AGO3: variants seen among roughly 807,000 people sequenced by gnomAD.
AGO3 encodes argonaute RISC catalytic component 3.
AGO3 carries 16 observed loss-of-function variants against 105.5 expected under a neutral mutation model. That is an observed-to-expected ratio of 0.15 (90% CI 0.10 to 0.23). AGO3 has a LOEUF of 0.23. Among genes scored for constraint, AGO3 ranks in the 10% least tolerant of loss-of-function variants. The pLI, the probability that AGO3 is intolerant of heterozygous loss-of-function variation, is 1.00. For synonymous variants in AGO3, 340 were observed against 367.3 expected (o/e 0.93, Z 0.85); for missense variants, 534 against 1,088.0 (o/e 0.49, Z 7.16).
chr1:35,940,756 T>C (rs1037299884), intron 1 of AGO3, among the ~76,000 whole-genome samples: 1 of 152,198 alleles, frequency 6.6e-6, no homozygotes, highest in Non-Finnish European at 1.5e-5. Flanking sequence ...TAATGACATT[T>C]TCTTCTTGAA....
At chr1:36,037,032 A>G (rs115292918) in intron 14 of AGO3, among the ~76,000 whole-genome samples, 2,304 of 151,590 alleles carry the variant, frequency 0.015, 50 homozygotes, top group African/African-American at 0.053. Context: ...CCTGTTTTTA[A>G]CATCTGCCTG....
intron 1 of AGO3, among the ~76,000 whole-genome samples, chr1:35,941,934 TA>T (rs1438121153): frequency 6.6e-6 from 1 of 152,250 alleles, no homozygotes; most frequent in Non-Finnish European, 1.5e-5. Flanking sequence ...GTGGATTTTC[TA>T]AGTTGATCTT....
At chr1:35,953,501 G>A (rs1284697467) in intron 2 of AGO3, among the ~76,000 whole-genome samples, 1 of 151,652 alleles carries the variant, frequency 6.6e-6, no homozygotes, top group South Asian at 2.1e-4. Context: ...TTTATTTGGA[G>A]AAATGTCTAT....
At chr1:35,952,203 G>A (rs1646487167) in intron 2 of AGO3, among the ~76,000 whole-genome samples, 1 of 143,014 alleles carries the variant, frequency 7.0e-6, no homozygotes, top group African/African-American at 2.7e-5. Context: ...CTAGAGTGCA[G>A]TGGCGCGATC....
chr1:35,948,696 A>G (rs1186341545), intron 2 of AGO3, among the ~76,000 whole-genome samples: 2 of 152,124 alleles, frequency 1.3e-5, no homozygotes, highest in Non-Finnish European at 2.9e-5. Flanking sequence ...TGCTCAATGT[A>G]TTAAGTTTGT....
At chr1:35,996,769 CAAA>C (rs112237843) in intron 5 of AGO3, among the ~76,000 whole-genome samples, 4 of 116,262 alleles carry the variant, frequency 3.4e-5, no homozygotes, top group Admixed American at 1.8e-4. Context: ...AACTCCATCT[CAAA>C]AAAAAAAAAA....
At chr1:35,947,383 C>T (rs566407594) in intron 2 of AGO3, among the ~76,000 whole-genome samples, 5 of 152,200 alleles carry the variant, frequency 3.3e-5, no homozygotes, top group South Asian at 4.1e-4. Flanking sequence ...AAGTGAACAA[C>T]ACAAGTCAAA....
In AGO3 at chr1:36,071,818, G is replaced by C. The variant is rs925724575; in HGVS notation, c.*16073G>C. Reference sequence around the variant, plus strand: ...TAAGATTTTGAATGAGACTAAACTTGACTGCCATATTTTAAGAGGAAATTG... The same window carrying C: ...TAAGATTTTGAATGAGACTAAACTTCACTGCCATATTTTAAGAGGAAATTG... On this transcript the variant is annotated 3_prime_UTR_variant, in exon 19 of 19. Coordinates refer to ENST00000373191, the MANE Select transcript of AGO3 (RefSeq NM_024852.4). The C allele has an allele frequency of 6.6e-6, 1 of 152,136 alleles. No individual in the cohort carries two copies. The highest frequency in any genetic ancestry group is 1.5e-5 in the Non-Finnish European group (1 of 68,012). 9.4% of individuals were successfully genotyped at this position (152,136 alleles called of 1,614,324 possible). A position where few individuals can be genotyped will look rare whatever the true frequency, so the allele number is the denominator to read the frequency against.
At chr1:36,001,918 T>C (rs1640102761) in intron 5 of AGO3, among the ~76,000 whole-genome samples, 1 of 152,188 alleles carries the variant, frequency 6.6e-6, no homozygotes, top group African/African-American at 2.4e-5. Context: ...ACTTTATTCA[T>C]GTATTATTTG....
chr1:35,988,534 G>A (rs1569635096), intron 5 of AGO3, among the ~76,000 whole-genome samples: 1 of 151,794 alleles, frequency 6.6e-6, no homozygotes, highest in African/African-American at 2.4e-5. Context: ...TACAGTATTT[G>A]TCTTTCTGTG....
Position 36,055,541 on chromosome 1 carries a change from A to G in AGO3, c.2475-96A>G. The G allele has an allele frequency of 8.5e-7, 1 of 1,183,050 alleles. No individual in the cohort carries two copies. Among genetic ancestry groups the G allele is most frequent in the Non-Finnish European group, 1.2e-6 (1 of 804,870 alleles). The allele number at this position is 1,183,050 out of a possible 1,614,324, so 73.3% of individuals were successfully genotyped here. ...TGTTACACCAGTCTCTTATTTGTTA[A>G]TAATTTTGAAATTTTCTACAACAAA... On this transcript the variant is annotated intron_variant, in intron 18 of 18. Transcript: ENST00000373191. This position sits in a 1 kb window ranked among gnomAD's most constrained non-coding sequence, Gnocchi z 4.4.
At chr1:36,003,712 ATATAT>A (rs1557678523) in intron 5 of AGO3, among the ~76,000 whole-genome samples, 1,781 of 100,780 alleles carry the variant, frequency 0.018, 30 homozygotes, top group Middle Eastern at 0.026. Context: ...AAAAAAAAAT[ATATAT>A]ATATATATAT....
At chr1:35,944,272 C>A (rs1400408555) in intron 1 of AGO3, among the ~76,000 whole-genome samples, 2 of 151,868 alleles carry the variant, frequency 1.3e-5, no homozygotes, top group Non-Finnish European at 2.9e-5. Context: ...GCCATTTTGC[C>A]CAGGCTAGTC....
chr1:36,000,964 G>A (rs1640056042), intron 5 of AGO3, among the ~76,000 whole-genome samples: 1 of 152,102 alleles, frequency 6.6e-6, no homozygotes. Context: ...GGCCAGGCGT[G>A]GTGGCTCACG....
intron 3 of AGO3, 49 bp downstream of exon 3, chr1:35,967,124 C>G (rs762601452): frequency 1.9e-6 from 3 of 1,569,278 alleles, no homozygotes; most frequent in Non-Finnish European, 2.6e-6. Flanking sequence ...GAAGTGTCTC[C>G]TTTTACACGC....
chr1:36,002,027 T>A (rs945701442), intron 5 of AGO3, among the ~76,000 whole-genome samples: 21 of 152,060 alleles, frequency 1.4e-4, no homozygotes, highest in East Asian at 9.7e-4. Context: ...TTAAAAAAAA[T>A]TTTTTTTTGA....
At chr1:35,947,569 C>G (rs750137652) in intron 2 of AGO3, among the ~76,000 whole-genome samples, 32 of 152,042 alleles carry the variant, frequency 2.1e-4, no homozygotes, top group Admixed American at 1.3e-4. Flanking sequence ...GCACATAATA[C>G]TCAGTAAAGT....
intron 2 of AGO3, among the ~76,000 whole-genome samples, chr1:35,947,402 G>A (rs972428404): frequency 7.9e-5 from 12 of 152,102 alleles, no homozygotes; most frequent in Non-Finnish European, 1.6e-4. Context: ...AAAGAGTAGT[G>A]CCCTACTCTT....
intron 5 of AGO3, chr1:35,982,689 G>A: frequency 1.4e-6 from 1 of 716,772 alleles, no homozygotes; most frequent in Non-Finnish European, 2.6e-6. Context: ...AGCCAGTTAG[G>A]AGGCTTTTCA....
Sources: allele counts gnomAD v4.1 joint callset (sites outside exome capture counted in the v4.1 genomes callset), GRCh38; gene constraint gnomAD v4.1.1; non-coding constraint Gnocchi (gnomAD v3.1); transcripts MANE v1.5; gene names NCBI Gene and HGNC (gene_info 2026-07-23, HGNC 2026-07-21).